Variants in RFPL2 observed in about 807,000 individuals in gnomAD.
RFPL2 encodes ret finger protein-like 2.
RFPL2 carries 13 observed loss-of-function variants against 17.8 expected under a neutral mutation model. That is an observed-to-expected ratio of 0.73 (90% CI 0.47 to 1.16). The LOEUF (loss-of-function observed/expected upper bound fraction) is 1.16, where lower values mean the gene tolerates loss of function less well. RFPL2 is among the 50% of genes most tolerant of loss of function. The pLI, the probability that RFPL2 is intolerant of heterozygous loss-of-function variation, is 0.00. For missense variants in RFPL2, 431 were observed against 479.3 expected, an observed-to-expected ratio of 0.90 and a Z score of 0.94; for synonymous variants, 189 against 180.9, an observed-to-expected ratio of 1.04 and a Z score of -0.36.
At position 32,192,914 on chromosome 22, in the gene RFPL2, G is replaced by A. The variant is rs202111979; in HGVS notation, c.544C>T (p.Arg182Trp). Residue 182 changes from arginine (R) to tryptophan (W), a missense_variant, in exon 4 of 5, where the codon CGG (arginine) becomes TGG (tryptophan). By Grantham distance (101) the Arg-to-Trp change is moderately radical (BLOSUM62 -3). Coordinates refer to ENST00000652607, the MANE Select transcript of RFPL2 (RefSeq NM_001394555.1). ...KKILQMNPRM[R>W]KFQVDMTLDA... is the part of the protein sequence containing the mutation. ...ACAGATGCCTTACCTTGGAACTTCC[G>A]CATCCTTGGGTTCATCTGCAGAATC... The A allele has an allele frequency of 1.4e-3, 2,245 of 1,611,712 alleles. 4 individuals carry two copies. The highest frequency in any genetic ancestry group is 1.7e-3 in the Non-Finnish European group (1,995 of 1,178,736).
rs1311108716 is a variant in RFPL2 at position 32,191,061 on chromosome 22, TC to T, written c.847del (p.Asp283MetfsTer12). On this transcript the variant is annotated frameshift_variant, in exon 5 of 5. Transcript: ENST00000652607. LOFTEE classifies it low-confidence loss of function (END_TRUNC). Reference protein sequence around the residue: ...ELGFWTVSLRDGGRLSATTVP... With the variant: ...ELGFWTVSLRXGGRLSATTVP... ...CGTGGTGGCAGAGAGGCGGCCTCCA[TC>T]CCTCAAACTCACAGTCCAGAATCCA... 1 of 1,613,824 alleles carries T rather than the reference TC, an allele frequency of 6.2e-7. No individual in the cohort carries two copies. The highest frequency in any genetic ancestry group is 1.3e-5 in the African/African-American group (1 of 74,906).
At chr22:32,196,930 A>C (rs547684697) in intron 2 of RFPL2, among the ~76,000 whole-genome samples, 2 of 152,324 alleles carry the variant, frequency 1.3e-5, no homozygotes, top group East Asian at 3.9e-4. Context: ...TTTCTTATTA[A>C]TCTGCTTAAT....
intron 3 of RFPL2, 115 bp from the exon 4 acceptor site, chr22:32,193,307 C>A: frequency 6.3e-7 from 1 of 1,578,188 alleles, no homozygotes; most frequent in Non-Finnish European, 8.6e-7. Flanking sequence ...CTTTGTCACT[C>A]CGAGAATAAG....
At chr22:32,200,486 A>C (rs1923804868) in intron 2 of RFPL2, among the ~76,000 whole-genome samples, 1 of 151,946 alleles carries the variant, frequency 6.6e-6, no homozygotes, top group Admixed American at 6.6e-5. Context: ...GCCCAGGGGG[A>C]GAGGCTCCCA....
At chr22:32,198,853 G>T (rs1458939566) in intron 2 of RFPL2, among the ~76,000 whole-genome samples, 2 of 152,106 alleles carry the variant, frequency 1.3e-5, no homozygotes, top group Non-Finnish European at 2.9e-5. Flanking sequence ...CCATCTGTCT[G>T]TCAGGGCCAG....
chr22:32,202,491 C>T lies in RFPL2; in HGVS notation c.-40G>A. On this transcript the variant is annotated 5_prime_UTR_variant, in exon 2 of 5. Coordinates refer to ENST00000652607, the MANE Select transcript of RFPL2 (RefSeq NM_001394555.1). ...GGTGCCACAGGCTCTAGCCTCCAGC[C>T]CGTGGCATGTAGCTCCTTCTCAGGG... 1 of 1,558,114 alleles carries T rather than the reference C, an allele frequency of 6.4e-7. No homozygotes were observed. Among genetic ancestry groups the T allele is most frequent in the Non-Finnish European group, 8.7e-7 (1 of 1,151,050 alleles).
intron 2 of RFPL2, among the ~76,000 whole-genome samples, 186 bp from the exon 3 acceptor site, chr22:32,194,676 A>G (rs1341350870): frequency 2.0e-5 from 3 of 152,246 alleles, no homozygotes; most frequent in Admixed American, 6.5e-5. Context: ...AGATGTTTCC[A>G]TCAGTTGTCA....
At chr22:32,195,104 G>A (rs3986022) in intron 2 of RFPL2, among the ~76,000 whole-genome samples, 13 of 152,204 alleles carry the variant, frequency 8.5e-5, no homozygotes, top group South Asian at 8.3e-4. Flanking sequence ...GAATCTTTTC[G>A]TCTTCATGCC....
At chr22:32,197,048 A>G (rs549043070) in intron 2 of RFPL2, among the ~76,000 whole-genome samples, 1 of 152,340 alleles carries the variant, frequency 6.6e-6, no homozygotes, top group African/African-American at 2.4e-5. Context: ...AACTGTCTAA[A>G]TAGTTTTGTG....
At chr22:32,202,274 C>T (rs762602479) in intron 2 of RFPL2, 59 bp downstream of exon 2, 37 of 1,547,812 alleles carry the variant, frequency 2.4e-5, no homozygotes, top group Admixed American at 2.2e-4. Context: ...CTGCCTTCCT[C>T]TTTCCCTTAT....
intron 1 of RFPL2, among the ~76,000 whole-genome samples, chr22:32,203,986 G>A (rs544899020): frequency 5.0e-4 from 74 of 149,264 alleles, no homozygotes; most frequent in African/African-American, 1.7e-3. Flanking sequence ...GCTCCCGATA[G>A]TGCATCCAAC....
intron 2 of RFPL2, among the ~76,000 whole-genome samples, chr22:32,198,145 C>T (rs1302049188): frequency 2.6e-5 from 4 of 152,236 alleles, no homozygotes; most frequent in South Asian, 4.2e-4. Flanking sequence ...TGCCTCCCTG[C>T]TCTTGCTTTG....
intron 2 of RFPL2, among the ~76,000 whole-genome samples, chr22:32,197,884 C>T (rs939231393): frequency 6.6e-6 from 1 of 152,186 alleles, no homozygotes; most frequent in Admixed American, 6.5e-5. Flanking sequence ...TTGAGTCAGA[C>T]ACTCCAAACA....
At chr22:32,201,644 G>T (rs147361395) in intron 2 of RFPL2, among the ~76,000 whole-genome samples, 92 of 152,306 alleles carry the variant, frequency 6.0e-4, no homozygotes, top group African/African-American at 2.1e-3. Context: ...TGGGTCTCGG[G>T]TGGAAAACCA....
At chr22:32,202,608 G>A in intron 1 of RFPL2, 58 bp from the exon 2 acceptor site, 3 of 1,427,576 alleles carry the variant, frequency 2.1e-6, no homozygotes, top group Non-Finnish European at 1.8e-6. Flanking sequence ...TGGCCACTGG[G>A]TGGCAGGGGC....
At chr22:32,193,454 A>G in intron 3 of RFPL2, 1 of 1,454,560 alleles carries the variant, frequency 6.9e-7, no homozygotes, top group Non-Finnish European at 9.1e-7. Context: ...GTGACCCAGC[A>G]GCTGAGCCTG....
In RFPL2 at chr22:32,202,341, C is replaced by T; in HGVS notation, c.111G>A (p.Arg37=). The T allele has an allele frequency of 1.3e-6, 2 of 1,598,890 alleles. No individual in the cohort carries two copies. Among genetic ancestry groups the T allele is most frequent in the Non-Finnish European group, 1.7e-6 (2 of 1,172,696 alleles). Reference sequence around the variant, plus strand: ...CCAGAATTGTCTCTCACCTCAGGCTCCTTATCACCATCATGTCTGCAAAGT... The same window carrying T: ...CCAGAATTGTCTCTCACCTCAGGCTTCTTATCACCATCATGTCTGCAAAGT... ...HWDFADMMVI[R]SLSLIRLEGV... The change falls in exon 2 of 5, where the codon AGG becomes AGA. Residue 37 remains arginine, a synonymous_variant. Coordinates refer to ENST00000652607, the MANE Select transcript of RFPL2 (RefSeq NM_001394555.1).
rs1173542344 is a variant in RFPL2 at position 32,202,348 on chromosome 22, A to T, written c.104T>A (p.Val35Glu). The T allele has an allele frequency of 6.2e-7, 1 of 1,601,364 alleles. No individual in the cohort carries two copies. The highest frequency in any genetic ancestry group is 1.1e-5 in the South Asian group (1 of 88,086). The change falls in exon 2 of 5, where the codon GTG becomes GAG. Residue 35 changes from valine to glutamate, a missense_variant. By Grantham distance (121) the Val-to-Glu change is moderately radical (BLOSUM62 -2). Coordinates refer to ENST00000652607, the MANE Select transcript of RFPL2 (RefSeq NM_001394555.1). ...CGHWDFADMMVIRSLSLIRLE... is the reference protein window; with the variant it reads ...CGHWDFADMMEIRSLSLIRLE... ...TGTCTCTCACCTCAGGCTCCTTATC[A>T]CCATCATGTCTGCAAAGTCCCAGTG...
At chr22:32,197,192 T>G (rs906915562) in intron 2 of RFPL2, among the ~76,000 whole-genome samples, 1 of 152,198 alleles carries the variant, frequency 6.6e-6, no homozygotes, top group African/African-American at 2.4e-5. Flanking sequence ...GCACAGTGGC[T>G]CTGCAGCAGA....
Sources: allele counts gnomAD v4.1 joint callset (sites outside exome capture counted in the v4.1 genomes callset), GRCh38; gene constraint gnomAD v4.1.1; transcripts MANE v1.5; gene names NCBI Gene and HGNC (gene_info 2026-07-23, HGNC 2026-07-21).